The following ADAMTSL2 variants were observed in gnomAD, a reference collection of about 807,000 sequenced individuals.
ADAMTSL2 encodes ADAMTS-like protein 2.
In ADAMTSL2, 55 loss-of-function variants were observed where a neutral mutation model predicts 117.0. The observed-to-expected ratio is 0.47, with a 90% CI of 0.38 to 0.59. The LOEUF is 0.59. Ranked by LOEUF, ADAMTSL2 falls within the 20% of genes least tolerant of loss-of-function variation. ADAMTSL2 has a pLI of 0.00. For synonymous variants in ADAMTSL2, 572 were observed against 566.4 expected (o/e 1.01, Z -0.14); for missense variants, 1,182 against 1,354.5 (o/e 0.87, Z 2.00).
Position 133,547,304 on chromosome 9 carries a change from G to A in ADAMTSL2, c.939+91G>A, listed in dbSNP as rs567082302. 1.8e-4 allele frequency: 239 copies of A among 1,326,124 alleles called. 1 individual carries two copies. In the African/African-American group the frequency reaches 2.7e-3, roughly 15 times the overall value. 82.1% of individuals were successfully genotyped at this position (1,326,124 alleles called of 1,614,324 possible). ...CAGGTGAGGTCTTCCAGCCCGTGAC[G>A]CCCCCAGGGCCACTGTGCGCGTGCA... is the stretch of plus-strand genomic sequence containing the variant. On this transcript the variant is annotated intron_variant, in intron 9 of 18. Transcript: ENST00000651351.
chr9:133,535,636 G>T (rs1389777759), intron 1 of ADAMTSL2, among the ~76,000 whole-genome samples: 1 of 152,184 alleles, frequency 6.6e-6, no homozygotes, highest in South Asian at 2.1e-4. Context: ...CGTGGGGGTC[G>T]AGTCCCTGAG....
At chr9:133,538,535 TG>T in intron 4 of ADAMTSL2, 111 bp downstream of exon 4, 3 of 1,298,284 alleles carry the variant, frequency 2.3e-6, no homozygotes, top group Non-Finnish European at 3.3e-6. Flanking sequence ...TGTTGTGGGC[TG>T]CTCTTCAAGG....
At chr9:133,534,568 G>A, upstream of ADAMTSL2, 5 of 1,054,460 alleles carry the variant, frequency 4.7e-6, no homozygotes, top group Non-Finnish European at 6.1e-6. Context: ...GCCTGGCCGG[G>A]CTCCAGAGGC....
intron 9 of ADAMTSL2, among the ~76,000 whole-genome samples, chr9:133,551,770 C>T (rs904550025): frequency 6.7e-6 from 1 of 149,152 alleles, no homozygotes; most frequent in African/African-American, 2.5e-5. Flanking sequence ...CCTGGACCTG[C>T]TGCAGGGCCC....
intron 11 of ADAMTSL2, among the ~76,000 whole-genome samples, chr9:133,559,213 G>A (rs1004955529): frequency 3.9e-5 from 6 of 152,214 alleles, no homozygotes; most frequent in East Asian, 1.9e-4. Flanking sequence ...CTGGTCTTCC[G>A]GGTTCTCCGT....
Position 133,565,839 on chromosome 9 carries a change from CCACA to C in ADAMTSL2, c.1748-1064_1748-1061del, listed in dbSNP as rs71281253. 6.5e-3 allele frequency among the ~76,000 whole-genome samples: 943 copies of C among 143,976 alleles called. 29 individuals are homozygous for C. The East Asian group carries it at 0.098, about 15-fold the overall frequency. The allele number at this position is 143,976 out of a possible 152,430, so 94.5% of individuals were successfully genotyped here. A position where few individuals can be genotyped will look rare whatever the true frequency, so the allele number is the denominator to read the frequency against. On this transcript the variant is annotated intron_variant, in intron 12 of 18. Coordinates refer to ENST00000651351, the MANE Select transcript of ADAMTSL2 (RefSeq NM_014694.4). ...GGAAGGCTGGGTCTGTCTCCCGTGGCCACACACACACACACACACACACACACAC... is the reference window on the plus strand; with the variant it reads ...GGAAGGCTGGGTCTGTCTCCCGTGGCCACACACACACACACACACACACAC...
In ADAMTSL2 at chr9:133,555,541, A is replaced by G. The variant is rs1474233390; in HGVS notation, c.1277-17A>G. ...GCTCGGATGTGCCCACGGTTGAGCC[A>G]CCTGTCTCCTCTCCAGACCGCAACG... On this transcript the variant is annotated splice_polypyrimidine_tract_variant and intron_variant, in intron 10 of 18. Transcript: ENST00000651351. 37 of 1,612,782 alleles carry G rather than the reference A, an allele frequency of 2.3e-5. No homozygotes were observed. The highest frequency in any genetic ancestry group is 3.1e-5 in the Non-Finnish European group (36 of 1,180,018).
chr9:133,561,963 T>G (rs4962250), intron 12 of ADAMTSL2, among the ~76,000 whole-genome samples: 23,701 of 152,166 alleles, frequency 0.16, 2,417 homozygotes, highest in East Asian at 0.5. Context: ...AAACCCAGGA[T>G]CAGGATACAG....
intron 7 of ADAMTSL2, among the ~76,000 whole-genome samples, chr9:133,541,268 T>C (rs1270769213): frequency 6.6e-6 from 1 of 150,798 alleles, no homozygotes; most frequent in Non-Finnish European, 1.5e-5. Flanking sequence ...TGAGACAGCC[T>C]GCAGGGAGGT....
At chr9:133,538,548 G>GC in intron 4 of ADAMTSL2, 124 bp downstream of exon 4, 2 of 1,127,186 alleles carry the variant, frequency 1.8e-6, no homozygotes, top group Non-Finnish European at 2.6e-6. Flanking sequence ...TCTTCAAGGA[G>GC]AGCCCAGGAG....
intron 11 of ADAMTSL2, among the ~76,000 whole-genome samples, chr9:133,559,825 T>C (rs1269029384): frequency 6.6e-6 from 1 of 152,274 alleles, no homozygotes; most frequent in East Asian, 1.9e-4. Flanking sequence ...TTCCTGGGCC[T>C]TGGTCCCCAT....
At chr9:133,538,484 C>T (rs958560321) in intron 4 of ADAMTSL2, 60 bp downstream of exon 4, 1 of 1,590,374 alleles carries the variant, frequency 6.3e-7, no homozygotes, top group Non-Finnish European at 8.6e-7. Context: ...ATGCAGTTTT[C>T]AGGGGGTCTT....
Position 133,536,648 on chromosome 9 carries a change from G to A in ADAMTSL2, c.-65G>A, listed in dbSNP as rs781093264. The A allele has an allele frequency of 1.1e-5, 18 of 1,613,940 alleles. No homozygotes were observed. Among genetic ancestry groups the A allele is most frequent in the African/African-American group, 6.7e-5 (5 of 74,948 alleles). On this transcript the variant is annotated 5_prime_UTR_variant, in exon 2 of 19. Transcript: ENST00000651351. ...GGGCCCCGAGGGCTCTTCCCAAAGCGTACCCTGGTCATCTGGAAGAGGATC... is the reference window on the plus strand; with the variant it reads ...GGGCCCCGAGGGCTCTTCCCAAAGCATACCCTGGTCATCTGGAAGAGGATC...
At chr9:133,572,401 C>T (rs1272104991) in intron 17 of ADAMTSL2, among the ~76,000 whole-genome samples, 3 of 152,114 alleles carry the variant, frequency 2.0e-5, no homozygotes, top group African/African-American at 4.8e-5. Flanking sequence ...GGAGAGACCA[C>T]GGCGTGCCGG....
rs2131140946 is a variant in ADAMTSL2, at chr9:133,555,552, C to T, written c.1277-6C>T. 3.7e-6 allele frequency: 6 copies of T among 1,612,978 alleles called. No individual in the cohort carries two copies. The highest frequency in any genetic ancestry group is 3.3e-4 in the Middle Eastern group (2 of 6,062). The stretch of plus-strand genomic sequence containing the variant: ...CCCACGGTTGAGCCACCTGTCTCCT[C>T]TCCAGACCGCAACGTCACGGGGACT... On this transcript the variant is annotated splice_polypyrimidine_tract_variant and splice_region_variant and intron_variant, in intron 10 of 18. Coordinates refer to ENST00000651351, the MANE Select transcript of ADAMTSL2 (RefSeq NM_014694.4).
chr9:133,539,105 G>C (rs932747079), intron 4 of ADAMTSL2, among the ~76,000 whole-genome samples: 1 of 152,180 alleles, frequency 6.6e-6, no homozygotes, highest in Non-Finnish European at 1.5e-5. Context: ...GTGTGCGCAC[G>C]TGCAGGGAGT....
At chr9:133,572,703 TGAG>T (rs1234021193) in intron 17 of ADAMTSL2, among the ~76,000 whole-genome samples, 1 of 152,088 alleles carries the variant, frequency 6.6e-6, no homozygotes, top group African/African-American at 2.4e-5. Flanking sequence ...CTAGCCCTGA[TGAG>T]GAGGTGGCAG....
In ADAMTSL2 at chr9:133,554,823, G is replaced by A. The variant is rs996600123; in HGVS notation, c.1276+130G>A. ...TCCTAAGAGCTGCCAGCTACCTGCA[G>A]ATGTCCTCTGGGCAGGCACAGGGTT... On this transcript the variant is annotated intron_variant, in intron 10 of 18. Transcript: ENST00000651351. The surrounding 1 kb of genome is among the most constrained non-coding windows in gnomAD (Gnocchi z 5.2). The A allele has an allele frequency of 2.5e-6, 2 of 797,724 alleles. No homozygotes were observed. Among genetic ancestry groups the A allele is most frequent in the Non-Finnish European group, 3.9e-6 (2 of 517,698 alleles). The allele number at this position is 797,724 out of a possible 1,614,324, so 49.4% of individuals were successfully genotyped here.
At chr9:133,559,921 C>T (rs1325784710) in intron 11 of ADAMTSL2, among the ~76,000 whole-genome samples, 1 of 152,208 alleles carries the variant, frequency 6.6e-6, no homozygotes, top group Non-Finnish European at 1.5e-5. Flanking sequence ...GTGGGTAGAT[C>T]ATTCCTGGGG....
Sources: allele counts gnomAD v4.1 joint callset (sites outside exome capture counted in the v4.1 genomes callset), GRCh38; gene constraint gnomAD v4.1.1; non-coding constraint Gnocchi (gnomAD v3.1); transcripts MANE v1.5; gene names NCBI Gene and HGNC (gene_info 2026-07-23, HGNC 2026-07-21).